FGGY: variants seen among roughly 807,000 people sequenced by gnomAD.
FGGY encodes FGGY carbohydrate kinase domain containing.
FGGY carries 72 observed loss-of-function variants against 71.3 expected under a neutral mutation model. The observed-to-expected ratio is 1.01, with a 90% CI of 0.84 to 1.23. FGGY has a LOEUF of 1.23. Among genes scored for constraint, FGGY ranks in the 50% most tolerant of loss-of-function variants. FGGY has a pLI of 0.00. For missense variants in FGGY, 668 were observed against 682.3 expected (o/e 0.98, Z 0.23); for synonymous variants, 251 against 250.3 (o/e 1.00, Z -0.02).
rs2096419012 is a variant in FGGY, at chr1:59,590,844, CA to C, written c.904-16954del. ...CACAGCCAATATCATACTGAATGGG[CA>C]AAAACTGGAAGCATTCCCTTTGAAA... On this transcript the variant is annotated intron_variant, in intron 8 of 15. Coordinates refer to ENST00000303721, the MANE Select transcript of FGGY (RefSeq NM_018291.5). Among the ~76,000 whole-genome samples, 6 of 152,190 alleles carry C rather than the reference CA, an allele frequency of 3.9e-5. No individual in the cohort carries two copies. The South Asian group carries it at 1.2e-3, about 32-fold the overall frequency.
At position 59,308,154 on chromosome 1, in the gene FGGY, T is replaced by G. The variant is rs55707834; in HGVS notation, c.-15+11004T>G. 9.9e-3 allele frequency among the ~76,000 whole-genome samples: 1,502 copies of G among 152,308 alleles called. 27 individuals carry two copies. The highest frequency in any genetic ancestry group is 0.033 in the African/African-American group (1,372 of 41,556). On this transcript the variant is annotated intron_variant, in intron 1 of 15. Transcript: ENST00000303721. ...CCTCTTAATGCTGCTGCTTCTCTTT[T>G]TATTTTAGAAAACCATGTCATGGAG...
In FGGY at chr1:59,512,403, G is replaced by T. The variant is rs747251536; in HGVS notation, c.763G>T (p.Ala255Ser). 1.2e-6 allele frequency: 2 copies of T among 1,613,738 alleles called. No homozygotes were observed. Among genetic ancestry groups the T allele is most frequent in the Middle Eastern group, 3.3e-4 (2 of 6,058 alleles). Residue 255 changes from alanine (A) to serine (S), a missense_variant, in exon 7 of 16, where the codon GCA (alanine) becomes TCA (serine). Physicochemically the swap from Ala to Ser is moderately conservative, Grantham distance 99. Coordinates refer to ENST00000303721, the MANE Select transcript of FGGY (RefSeq NM_018291.5). ...TGGCCTTCTCCCTGGGATTGCGGTC[G>T]CAGCTTCACTCATTGATGCCCATGC... ...DLGLLPGIAV[A>S]ASLIDAHAGG...
intron 5 of FGGY, among the ~76,000 whole-genome samples, chr1:59,418,706 G>T (rs1470928187): frequency 1.3e-5 from 2 of 151,982 alleles, no homozygotes; most frequent in African/African-American, 2.4e-5. Flanking sequence ...GCAGTTTTTT[G>T]ATTTTTTCTT....
At chr1:59,597,217 G>C (rs2096533114) in intron 8 of FGGY, among the ~76,000 whole-genome samples, 1 of 152,068 alleles carries the variant, frequency 6.6e-6, no homozygotes, top group Non-Finnish European at 1.5e-5. Context: ...AGCACAAGTG[G>C]GTTCTATTGG....
At chr1:59,375,265 G>GAAAAAAAAAAAAAAAAAAAAA (rs1289366742) in intron 4 of FGGY, among the ~76,000 whole-genome samples, 1 of 99,830 alleles carries the variant, frequency 1.0e-5, no homozygotes, top group Non-Finnish European at 2.1e-5. Context: ...TCTCAAAAAA[G>GAAAAAAAAAAAAAAAAAAAAA]AAAAAAAAAA....
At chr1:59,347,230 A>G (rs1469198530) in intron 4 of FGGY, among the ~76,000 whole-genome samples, 1 of 146,918 alleles carries the variant, frequency 6.8e-6, no homozygotes, top group Admixed American at 6.8e-5. Flanking sequence ...ATATCTTCTA[A>G]TGCTATCCCT....
chr1:59,472,704 C>G (rs2093025309), intron 6 of FGGY, among the ~76,000 whole-genome samples: 1 of 152,220 alleles, frequency 6.6e-6, no homozygotes. Context: ...CACTCTGTAT[C>G]TAGCTACTCT....
At chr1:59,520,163 T>C (rs894314868) in intron 7 of FGGY, among the ~76,000 whole-genome samples, 28 of 152,374 alleles carry the variant, frequency 1.8e-4, no homozygotes, top group African/African-American at 6.3e-4. Flanking sequence ...ATTATTTCTC[T>C]TCATCAATTC....
At chr1:59,312,794 C>T (rs2044614843) in intron 1 of FGGY, among the ~76,000 whole-genome samples, 1 of 152,130 alleles carries the variant, frequency 6.6e-6, no homozygotes, top group African/African-American at 2.4e-5. Context: ...TTTTTGGCCA[C>T]CATTCAAGAT....
intron 7 of FGGY, among the ~76,000 whole-genome samples, chr1:59,545,081 G>T (rs1340883956): frequency 6.6e-6 from 1 of 152,150 alleles, no homozygotes; most frequent in Non-Finnish European, 1.5e-5. Context: ...CTGAGTCACT[G>T]GTCATTCGCA....
intron 14 of FGGY, among the ~76,000 whole-genome samples, chr1:59,753,642 A>G (rs1472157560): frequency 6.6e-6 from 1 of 151,162 alleles, no homozygotes; most frequent in Non-Finnish European, 1.5e-5. Context: ...TAACATTTTA[A>G]TATATATTGA....
intron 6 of FGGY, among the ~76,000 whole-genome samples, chr1:59,472,969 A>G (rs886365670): frequency 6.6e-6 from 1 of 152,170 alleles, no homozygotes; most frequent in East Asian, 1.9e-4. Flanking sequence ...GGGATTGTAA[A>G]CGCACCAATC....
chr1:59,689,560 A>T (rs1013136975), intron 14 of FGGY, among the ~76,000 whole-genome samples: 1 of 141,804 alleles, frequency 7.1e-6, no homozygotes, highest in Non-Finnish European at 1.6e-5. Context: ...GTCTCACTTT[A>T]AAAAAAAAAA....
At chr1:59,447,197 A>G (rs2071482198) in intron 5 of FGGY, among the ~76,000 whole-genome samples, 1 of 152,232 alleles carries the variant, frequency 6.6e-6, no homozygotes, top group Admixed American at 6.5e-5. Flanking sequence ...TGGTGATTAT[A>G]GTAGCTTTAC....
intron 7 of FGGY, among the ~76,000 whole-genome samples, chr1:59,514,757 C>G (rs2094600608): frequency 6.6e-6 from 1 of 152,164 alleles, no homozygotes; most frequent in Admixed American, 6.5e-5. Context: ...TTCTTTCTTG[C>G]TGCCACCATG....
Position 59,688,370 on chromosome 1 carries a change from G to A in FGGY, c.1512+14237G>A, listed in dbSNP as rs117902353. The stretch of plus-strand genomic sequence containing the variant: ...TGGTCTTAGCAGCTTAAGTCTGTAT[G>A]TCCTAGAACCTGTTTATGGGACTTA... On this transcript the variant is annotated intron_variant, in intron 14 of 15. Coordinates refer to ENST00000303721, the MANE Select transcript of FGGY (RefSeq NM_018291.5). Among the ~76,000 whole-genome samples the A allele has an allele frequency of 2.3e-4, 35 of 152,328 alleles. No homozygotes were observed. In the East Asian group the frequency reaches 6.7e-3, roughly 29 times the overall value.
At chr1:59,534,407 G>A (rs1441696965) in intron 7 of FGGY, among the ~76,000 whole-genome samples, 1 of 151,788 alleles carries the variant, frequency 6.6e-6, no homozygotes, top group Non-Finnish European at 1.5e-5. Flanking sequence ...AAAACACTCT[G>A]CAGGATATTA....
At chr1:59,695,270 A>C (rs977305019) in intron 14 of FGGY, among the ~76,000 whole-genome samples, 1 of 152,170 alleles carries the variant, frequency 6.6e-6, no homozygotes, top group African/African-American at 2.4e-5. Context: ...TGACAAGTGA[A>C]AAGATGGAGA....
chr1:59,368,463 C>G (rs1557689168), intron 4 of FGGY, among the ~76,000 whole-genome samples: 1 of 152,068 alleles, frequency 6.6e-6, no homozygotes, highest in Admixed American at 6.5e-5. Flanking sequence ...TGGGCTAAGC[C>G]CTTGTGGTCT....
Sources: allele counts gnomAD v4.1 joint callset (sites outside exome capture counted in the v4.1 genomes callset), GRCh38; gene constraint gnomAD v4.1.1; transcripts MANE v1.5; gene names NCBI Gene and HGNC (gene_info 2026-07-23, HGNC 2026-07-21).